Variants in NCOA6 observed in about 807,000 individuals in gnomAD.
NCOA6 encodes the protein nuclear receptor coactivator 6, also known as NRC RAP250.
A neutral mutation model predicts 171.4 loss-of-function variants in NCOA6; 49 were observed. That is an observed-to-expected ratio of 0.29 (90% CI 0.23 to 0.36). The LOEUF is 0.36. NCOA6 is among the 10% of genes least tolerant of loss of function. The pLI, the probability that NCOA6 is intolerant of heterozygous loss-of-function variation, is 1.00. For synonymous variants in NCOA6, 910 were observed against 927.5 expected, an observed-to-expected ratio of 0.98 and a Z score of 0.34; for missense variants, 2,248 against 2,554.5, an observed-to-expected ratio of 0.88 and a Z score of 2.59.
intron 1 of NCOA6, among the ~76,000 whole-genome samples, chr20:34,794,372 A>C (rs544633401): frequency 6.6e-6 from 1 of 152,192 alleles, no homozygotes; most frequent in Non-Finnish European, 1.5e-5. Context: ...AGATACACTT[A>C]TCATCATATA....
chr20:34,719,267 T>C (rs1364826798), intron 14 of NCOA6, among the ~76,000 whole-genome samples: 1 of 152,208 alleles, frequency 6.6e-6, no homozygotes, highest in Admixed American at 6.5e-5. Context: ...AAATGGACTT[T>C]GACCTTGCTC....
At chr20:34,797,102 C>T (rs993592654) in intron 1 of NCOA6, among the ~76,000 whole-genome samples, 2 of 152,246 alleles carry the variant, frequency 1.3e-5, no homozygotes, top group South Asian at 2.1e-4. Flanking sequence ...CATTTCCCCA[C>T]GAGTCATTTG....
intron 4 of NCOA6, among the ~76,000 whole-genome samples, chr20:34,775,395 GA>G (rs2077280043): frequency 1.3e-5 from 2 of 151,896 alleles, no homozygotes; most frequent in Non-Finnish European, 2.9e-5. Flanking sequence ...TAAAAATACT[GA>G]AAATGAACAC....
rs377089864 is a variant in NCOA6, at chr20:34,810,701, G to A, written c.-164+14771C>T. On this transcript the variant is annotated intron_variant, in intron 1 of 14. Coordinates refer to ENST00000359003, the MANE Select transcript of NCOA6 (RefSeq NM_014071.5). ...CTCCCGAGTAGCTGGGACTACAGGCGCCCGCCACCATGCCCAGCTAATTTT... is the reference window on the plus strand; with the variant it reads ...CTCCCGAGTAGCTGGGACTACAGGCACCCGCCACCATGCCCAGCTAATTTT... Among the ~76,000 whole-genome samples, 9 of 152,130 alleles carry A rather than the reference G, an allele frequency of 5.9e-5. No homozygotes were observed. The East Asian group carries it at 7.7e-4, about 13-fold the overall frequency.
At chr20:34,807,752 C>T (rs921522026) in intron 1 of NCOA6, among the ~76,000 whole-genome samples, 4 of 151,984 alleles carry the variant, frequency 2.6e-5, no homozygotes, top group South Asian at 2.1e-4. Flanking sequence ...GTCTCGATCT[C>T]CTGACCTCAT....
chr20:34,769,009 G>C (rs2077060528), intron 4 of NCOA6, among the ~76,000 whole-genome samples: 2 of 151,662 alleles, frequency 1.3e-5, no homozygotes, highest in Non-Finnish European at 2.9e-5. Context: ...AATATAAGTA[G>C]GTTTAAAGAA....
chr20:34,739,634 C>T (rs1265059000), intron 11 of NCOA6, among the ~76,000 whole-genome samples: 1 of 152,188 alleles, frequency 6.6e-6, no homozygotes, highest in African/African-American at 2.4e-5. Context: ...GCTGTTCACA[C>T]TTAAGGCACA....
In NCOA6 at chr20:34,776,278, G is replaced by A. The variant is rs1353701824; in HGVS notation, c.391+15C>T. ...ATGATTCTGGTCTAGATGGGCACATGGCAAAGTAAAAGACCTTCAATCTGA... is the reference window on the plus strand; with the variant it reads ...ATGATTCTGGTCTAGATGGGCACATAGCAAAGTAAAAGACCTTCAATCTGA... On this transcript the variant is annotated intron_variant, in intron 4 of 14. Coordinates refer to ENST00000359003, the MANE Select transcript of NCOA6 (RefSeq NM_014071.5). 6.2e-7 allele frequency: 1 copy of A among 1,611,738 alleles called. No individual in the cohort carries two copies. The highest frequency in any genetic ancestry group is 1.7e-5 in the Admixed American group (1 of 59,550).
intron 3 of NCOA6, among the ~76,000 whole-genome samples, chr20:34,778,182 G>C: frequency 6.6e-6 from 1 of 151,926 alleles, no homozygotes; most frequent in East Asian, 2.0e-4. Context: ...GATTACAGGC[G>C]TGAGCCACTG....
chr20:34,733,619 T>C (rs2075854494), intron 12 of NCOA6, among the ~76,000 whole-genome samples: 1 of 152,148 alleles, frequency 6.6e-6, no homozygotes, highest in Non-Finnish European at 1.5e-5. Context: ...ACCTGACACT[T>C]AGTCATAACT....
Position 34,788,849 on chromosome 20 carries a change from C to T in NCOA6, c.-50+3601G>A, listed in dbSNP as rs1391377736. Reference sequence around the variant, plus strand: ...AATCCCAGCTACTGGGAGGCTAAGGCAGGAGAATCACTTGAACCTGGGAGG... The same window carrying T: ...AATCCCAGCTACTGGGAGGCTAAGGTAGGAGAATCACTTGAACCTGGGAGG... On this transcript the variant is annotated intron_variant, in intron 2 of 14. Transcript: ENST00000359003. Among the ~76,000 whole-genome samples the T allele has an allele frequency of 2.0e-5, 3 of 152,172 alleles. No homozygotes were observed. In the East Asian group the frequency reaches 5.8e-4, roughly 29 times the overall value.
At chr20:34,799,132 T>G (rs2078174818) in intron 1 of NCOA6, among the ~76,000 whole-genome samples, 1 of 152,034 alleles carries the variant, frequency 6.6e-6, no homozygotes, top group African/African-American at 2.4e-5. Flanking sequence ...ATCAGATAAA[T>G]TTAACAAAGG....
intron 14 of NCOA6, 101 bp downstream of exon 14, chr20:34,727,158 A>AG: frequency 1.5e-6 from 2 of 1,372,152 alleles, no homozygotes; most frequent in Non-Finnish European, 2.0e-6. Context: ...GACAGACTTC[A>AG]GGAACAGAAG....
At position 34,758,804 on chromosome 20, in the gene NCOA6, C is replaced by G. The variant is rs770673408; in HGVS notation, c.643+1G>C. 8 of 1,612,158 alleles carry G rather than the reference C, an allele frequency of 5.0e-6. No homozygotes were observed. Among genetic ancestry groups the G allele is most frequent in the Non-Finnish European group, 6.8e-6 (8 of 1,179,496 alleles). On this transcript the variant is annotated splice_donor_variant, in intron 6 of 14. Coordinates refer to ENST00000359003, the MANE Select transcript of NCOA6 (RefSeq NM_014071.5). LOFTEE classifies it high-confidence loss of function. ...CATCCTCAAAGATTGGAAGTCATTA[C>G]CTGACTGAGAAGCAGGGCGAGGAGT...
In NCOA6 at chr20:34,749,941, G is replaced by A; in HGVS notation, c.2254C>T (p.Gln752Ter). ...QIMRGPTPNMQGNMVQFTGQM... is the reference protein window; with the variant it reads ...QIMRGPTPNM ...CCCGTAAACTGCACCATATTTCCTT[G>A]CATGTTTGGAGTTGGTCCCCTCATT... The change falls in exon 9 of 15, where the codon CAA (glutamine) becomes TAA (stop). Residue 752 changes from glutamine to a stop codon, truncating the protein, a stop_gained. Coordinates refer to ENST00000359003, the MANE Select transcript of NCOA6 (RefSeq NM_014071.5). LOFTEE classifies it high-confidence loss of function. 1 of 1,614,168 alleles carries A rather than the reference G, an allele frequency of 6.2e-7. No homozygotes were observed. Among genetic ancestry groups the A allele is most frequent in the East Asian group, 2.2e-5 (1 of 44,880 alleles).
At chr20:34,718,062 T>C (rs1288638545) in intron 14 of NCOA6, among the ~76,000 whole-genome samples, 8 of 152,080 alleles carry the variant, frequency 5.3e-5, no homozygotes. Context: ...CGTGAATCAA[T>C]GAGTGGGGTC....
intron 1 of NCOA6, among the ~76,000 whole-genome samples, chr20:34,796,667 A>T (rs1426739069): frequency 3.9e-5 from 6 of 151,986 alleles, no homozygotes; most frequent in Non-Finnish European, 8.8e-5. Context: ...AATAAATAAA[A>T]AATTGACTGG....
chr20:34,743,032 C>G lies in NCOA6; in HGVS notation c.3224G>C (p.Ser1075Thr). Reference sequence around the variant, plus strand: ...TTGCAGACTGACCATGACAGGCACACTGCCACTCTGTTGCATGGGCATTCT... The same window carrying G: ...TTGCAGACTGACCATGACAGGCACAGTGCCACTCTGTTGCATGGGCATTCT... Reference protein sequence around the residue: ...SQRMPMQQSGSVPVMVSLQGP... With the variant: ...SQRMPMQQSGTVPVMVSLQGP... Residue 1075 changes from serine (S) to threonine (T), a missense_variant, in exon 11 of 15, where the codon AGT (serine) becomes ACT (threonine). Transcript: ENST00000359003. 1 of 1,613,898 alleles carries G rather than the reference C, an allele frequency of 6.2e-7. No homozygotes were observed. The highest frequency in any genetic ancestry group is 8.5e-7 in the Non-Finnish European group (1 of 1,179,802).
At chr20:34,727,890 A>G (rs567323058) in intron 13 of NCOA6, among the ~76,000 whole-genome samples, 1 of 151,844 alleles carries the variant, frequency 6.6e-6, no homozygotes, top group South Asian at 2.1e-4. Flanking sequence ...CGCCCTGCTA[A>G]TTTTTGTCTT....
Sources: allele counts gnomAD v4.1 joint callset (sites outside exome capture counted in the v4.1 genomes callset), GRCh38; gene constraint gnomAD v4.1.1; transcripts MANE v1.5; gene names NCBI Gene and HGNC (gene_info 2026-07-23, HGNC 2026-07-21).